Variants in SULT1C4 observed in about 807,000 individuals in gnomAD.
SULT1C4 encodes sulfotransferase 1C4.
A neutral mutation model predicts 34.8 loss-of-function variants in SULT1C4; 32 were observed. The observed-to-expected ratio is 0.92, with a 90% confidence interval of 0.69 to 1.23. The LOEUF is 1.23. SULT1C4 is among the 50% of genes most tolerant of loss of function. The probability of loss-of-function intolerance (pLI) is 0.00; values close to 1 mark genes in which losing one functional copy is unlikely to be tolerated. For missense variants in SULT1C4, 375 were observed against 365.9 expected (o/e 1.02, Z -0.20); for synonymous variants, 111 against 120.5 (o/e 0.92, Z 0.51).
At position 108,378,442 on chromosome 2, in the gene SULT1C4, G is replaced by C. The variant is rs1678302621; in HGVS notation, c.105G>C (p.Trp35Cys). The change falls in exon 1 of 7, where the codon TGG becomes TGC. Residue 35 changes from tryptophan to cysteine, a missense_variant. Physicochemically the swap from Trp to Cys is radical, Grantham distance 215 (BLOSUM62 -2). Transcript: ENST00000272452. ...ILQPTDTCDI[W>C]DKIWNFQAKP... ...AACCGACAGACACCTGTGACATCTG[G>C]GATAAGATCTGGAACTTCCAAGCCA... 6.2e-6 allele frequency: 10 copies of C among 1,614,180 alleles called. No individual in the cohort carries two copies. The highest frequency in any genetic ancestry group is 8.5e-6 in the Non-Finnish European group (10 of 1,180,030).
At chr2:108,382,343 A>T (rs758074758) in intron 2 of SULT1C4, 42 bp from the exon 3 acceptor site, 9 of 1,340,356 alleles carry the variant, frequency 6.7e-6, no homozygotes, top group African/African-American at 4.4e-5. Context: ...GCAAATAGAT[A>T]AAAAAAAAAT....
At position 108,388,768 on chromosome 2, in the gene SULT1C4, T is replaced by G. The variant is rs1230736633; in HGVS notation, c.*1336T>G. Among the ~76,000 whole-genome samples, 1 of 152,140 alleles carries G rather than the reference T, an allele frequency of 6.6e-6. No individual in the cohort carries two copies. Among genetic ancestry groups the G allele is most frequent in the Non-Finnish European group, 1.5e-5 (1 of 68,008 alleles). ...GCCTACTTACTGGGTCCTAGTCACA[T>G]CTTACCACTTCCTACCCTCCCAGTT... On this transcript the variant is annotated 3_prime_UTR_variant, in exon 7 of 7. Coordinates refer to ENST00000272452, the MANE Select transcript of SULT1C4 (RefSeq NM_006588.4).
At chr2:108,382,199 A>G in intron 2 of SULT1C4, 186 bp from the exon 3 acceptor site, 3 of 612,586 alleles carry the variant, frequency 4.9e-6, no homozygotes, top group Non-Finnish European at 8.6e-6. Context: ...GATGACTGTT[A>G]TGGTTAGGAA....
In SULT1C4 at chr2:108,386,350, C is replaced by A; in HGVS notation, c.774C>A (p.Ser258=). 1 of 1,505,736 alleles carries A rather than the reference C, an allele frequency of 6.6e-7. No individual in the cohort carries two copies. Among genetic ancestry groups the A allele is most frequent in the Non-Finnish European group, 8.9e-7 (1 of 1,125,858 alleles). The allele number at this position is 1,505,736 out of a possible 1,614,324, so 93.3% of individuals were successfully genotyped here. Residue 258 remains serine (S), a synonymous_variant, in exon 6 of 7, where the codon TCC becomes TCA. Coordinates refer to ENST00000272452, the MANE Select transcript of SULT1C4 (RefSeq NM_006588.4). ...TTCCTGCTGAAATCATGGACCACTCCATTTCTCCATTCATGAGAAAAGGTT... is the reference window on the plus strand; with the variant it reads ...TTCCTGCTGAAATCATGGACCACTCAATTTCTCCATTCATGAGAAAAGGTT... ...SSIPAEIMDH[S]ISPFMRKGAV... is the part of the protein sequence containing the mutation.
rs959473601 is a variant in SULT1C4, at chr2:108,379,915, C to G, written c.169+1409C>G. On this transcript the variant is annotated intron_variant, in intron 1 of 6. Coordinates refer to ENST00000272452, the MANE Select transcript of SULT1C4 (RefSeq NM_006588.4). ...TCATGTTGGCTCATGTCTATAAATT[C>G]ATTCAATTCATTCATTATAGACATT... is the stretch of plus-strand genomic sequence containing the variant. Among the ~76,000 whole-genome samples, 4 of 152,148 alleles carry G rather than the reference C, an allele frequency of 2.6e-5. No homozygotes were observed. The East Asian group carries it at 7.7e-4, about 29-fold the overall frequency.
At chr2:108,386,078 T>C (rs1678558638) in intron 5 of SULT1C4, 114 bp from the exon 6 acceptor site, 1 of 834,436 alleles carries the variant, frequency 1.2e-6, no homozygotes, top group Admixed American at 4.1e-5. Flanking sequence ...TTGTTAAGAT[T>C]TGTTTTTTAT....
intron 5 of SULT1C4, among the ~76,000 whole-genome samples, chr2:108,384,332 A>G (rs1406035021): frequency 6.6e-6 from 1 of 151,736 alleles, no homozygotes; most frequent in East Asian, 1.9e-4. Flanking sequence ...CCGGGTTCAC[A>G]CCATTCGCCT....
chr2:108,381,067 A>G (rs192590613), intron 1 of SULT1C4, among the ~76,000 whole-genome samples: 4 of 152,340 alleles, frequency 2.6e-5, no homozygotes. Flanking sequence ...CTCCTACGCT[A>G]TGCAACTGGG....
intron 5 of SULT1C4, among the ~76,000 whole-genome samples, chr2:108,385,360 C>G (rs1362960395): frequency 6.6e-6 from 1 of 152,164 alleles, no homozygotes; most frequent in Non-Finnish European, 1.5e-5. Context: ...CTCAGAGTCC[C>G]TAAAACTTTT....
In SULT1C4 at chr2:108,378,356, G is replaced by C. The variant is rs374459677; in HGVS notation, c.19G>C (p.Glu7Gln). The change falls in exon 1 of 7, where the codon GAG becomes CAG. Residue 7 changes from glutamate (E) to glutamine (Q), a missense_variant. Transcript: ENST00000272452. ...TACACTAATGGCCTTACACGACATG[G>C]AGGATTTTACATTTGATGGAACAAA... MALHDM[E>Q]DFTFDGTKRL... The C allele has an allele frequency of 4.5e-5, 73 of 1,613,888 alleles. No individual in the cohort carries two copies. The highest frequency in any genetic ancestry group is 6.0e-5 in the Non-Finnish European group (71 of 1,179,956).
chr2:108,385,349 C>A (rs991588444), intron 5 of SULT1C4, among the ~76,000 whole-genome samples: 1 of 152,168 alleles, frequency 6.6e-6, no homozygotes. Flanking sequence ...GGTAATCTAA[C>A]CTCAGAGTCC....
intron 1 of SULT1C4, 139 bp from the exon 2 acceptor site, chr2:108,381,623 C>G (rs1481302729): frequency 1.0e-6 from 1 of 982,548 alleles, no homozygotes; most frequent in Admixed American, 4.2e-5. Flanking sequence ...AGCCTTGATA[C>G]AGAGCAAGAC....
chr2:108,378,607 T>C (rs1558699568), intron 1 of SULT1C4, 101 bp downstream of exon 1: 3 of 1,342,846 alleles, frequency 2.2e-6, no homozygotes, highest in Admixed American at 2.3e-5. Context: ...TGGAAAACTC[T>C]GGACAGAGTG....
intron 5 of SULT1C4, among the ~76,000 whole-genome samples, chr2:108,384,628 T>C (rs1678521645): frequency 6.6e-6 from 1 of 152,266 alleles, no homozygotes; most frequent in Admixed American, 6.5e-5. Flanking sequence ...GTAAAGACAC[T>C]TAACATCTTG....
rs763755892 is a variant in SULT1C4 at position 108,378,499 on chromosome 2, T to A, written c.162T>A (p.Pro54=). The A allele has an allele frequency of 6.2e-7, 1 of 1,613,714 alleles. No homozygotes were observed. Among genetic ancestry groups the A allele is most frequent in the East Asian group, 2.2e-5 (1 of 44,874 alleles). ...KPDDLLISTY[P]KAGTTWTQEI... ...ATGACCTGCTTATTTCTACCTATCC[T>A]AAAGCAGGTAGGTGGAAGGGCTTGC... The change falls in exon 1 of 7, where the codon CCT becomes CCA. Residue 54 remains proline, a synonymous_variant. Transcript: ENST00000272452.
chr2:108,382,902 CAAA>C, intron 3 of SULT1C4, 188 bp from the exon 4 acceptor site: 358 of 77,540 alleles, frequency 4.6e-3, no homozygotes, highest in Middle Eastern at 0.011. Flanking sequence ...GACTCCATCT[CAAA>C]AAAAAAAAAA....
chr2:108,378,397 C>T lies in SULT1C4; in HGVS notation c.60C>T (p.Asn20=). Residue 20 remains asparagine (N), a synonymous_variant, in exon 1 of 7, where the codon AAC becomes AAT. Transcript: ENST00000272452. ...TFDGTKRLSV[N]YVKGILQPTD... is the part of the protein sequence containing the mutation. ...ATGGAACAAAGCGCTTAAGTGTCAA[C>T]TACGTGAAGGGAATTCTTCAACCGA... The T allele has an allele frequency of 6.2e-7, 1 of 1,614,196 alleles. No homozygotes were observed. The highest frequency in any genetic ancestry group is 8.5e-7 in the Non-Finnish European group (1 of 1,180,024).
intron 5 of SULT1C4, among the ~76,000 whole-genome samples, chr2:108,384,339 G>T (rs898239567): frequency 6.6e-6 from 1 of 151,658 alleles, no homozygotes; most frequent in East Asian, 1.9e-4. Flanking sequence ...CACACCATTC[G>T]CCTGCCTCAG....
At chr2:108,383,813 GA>G (rs973004796) in intron 5 of SULT1C4, among the ~76,000 whole-genome samples, 2 of 151,064 alleles carry the variant, frequency 1.3e-5, no homozygotes, top group Non-Finnish European at 2.9e-5. Context: ...AGTTTAGCAG[GA>G]AAAAAAATCC....
Sources: allele counts gnomAD v4.1 joint callset (sites outside exome capture counted in the v4.1 genomes callset), GRCh38; gene constraint gnomAD v4.1.1; transcripts MANE v1.5; gene names NCBI Gene and HGNC (gene_info 2026-07-23, HGNC 2026-07-21).